C11orf65: variants seen among roughly 807,000 people sequenced by gnomAD.
C11orf65 encodes the protein chromosome 11 open reading frame 65.
C11orf65 carries 38 observed loss-of-function variants against 35.3 expected under a neutral mutation model. That is an observed-to-expected ratio of 1.08 (90% CI 0.83 to 1.41). C11orf65 has a LOEUF of 1.41. Among genes scored for constraint, C11orf65 ranks in the 40% most tolerant of loss-of-function variants. C11orf65 has a pLI of 0.00. For missense variants in C11orf65, 370 were observed against 367.1 expected (o/e 1.01, Z -0.06); for synonymous variants, 105 against 114.4 (o/e 0.92, Z 0.53).
intron 7 of C11orf65, among the ~76,000 whole-genome samples, chr11:108,392,856 C>T (rs747425266): frequency 4.6e-5 from 7 of 152,128 alleles, no homozygotes; most frequent in Non-Finnish European, 1.0e-4. Context: ...ATTTTAGTGT[C>T]TCATACAGAA....
At position 108,405,540 on chromosome 11, in the gene C11orf65, C is replaced by T. The variant is rs1006007136; in HGVS notation, c.449G>A (p.Gly150Asp). 10 of 1,613,086 alleles carry T rather than the reference C, an allele frequency of 6.2e-6. No homozygotes were observed. The highest frequency in any genetic ancestry group is 8.5e-6 in the Non-Finnish European group (10 of 1,179,666). Reference protein sequence around the residue: ...VSDTFWLSTDGMVVEDKKESE... With the variant: ...VSDTFWLSTDDMVVEDKKESE... ...TTCCTTTTTGTCTTCCACCACCATACCATCAGTAGATAGCCAAAACTATTG... is the reference window on the plus strand; with the variant it reads ...TTCCTTTTTGTCTTCCACCACCATATCATCAGTAGATAGCCAAAACTATTG... Residue 150 changes from glycine (G) to aspartate (D), a missense_variant, in exon 6 of 9, where the codon GGT becomes GAT. By Grantham distance (94) the Gly-to-Asp change is moderately conservative. Transcript: ENST00000393084.
intron 3 of C11orf65, among the ~76,000 whole-genome samples, chr11:108,408,687 AT>A (rs1232997345): frequency 5.0e-4 from 41 of 82,078 alleles, no homozygotes; most frequent in African/African-American, 2.3e-3. Flanking sequence ...ATAAAATAAA[AT>A]AAAATAAAAT....
intron 6 of C11orf65, among the ~76,000 whole-genome samples, chr11:108,311,141 TA>T (rs996269101): frequency 6.6e-6 from 1 of 151,594 alleles, no homozygotes; most frequent in African/African-American, 2.4e-5. Flanking sequence ...TCATTTTTTT[TA>T]ATTTTTATTT....
At chr11:108,380,501 A>C (rs188923060), downstream of C11orf65, among the ~76,000 whole-genome samples, 25 of 152,340 alleles carry the variant, frequency 1.6e-4, no homozygotes, top group Non-Finnish European at 3.4e-4. Flanking sequence ...CATCCACTAC[A>C]GAAGAGACAT....
downstream of C11orf65, chr11:108,327,597 C>T (rs2085800808): frequency 6.9e-7 from 1 of 1,448,244 alleles, no homozygotes; most frequent in Non-Finnish European, 9.7e-7. Context: ...CAGTTGGGTA[C>T]AGTCATGGTA....
intron 6 of C11orf65, among the ~76,000 whole-genome samples, chr11:108,314,307 T>C (rs2084421502): frequency 6.6e-6 from 1 of 152,120 alleles, no homozygotes; most frequent in Admixed American, 6.5e-5. Context: ...GGTTTAGCCA[T>C]GTTGCCCAGG....
At chr11:108,419,207 C>G (rs1326332076) in intron 3 of C11orf65, among the ~76,000 whole-genome samples, 1 of 152,032 alleles carries the variant, frequency 6.6e-6, no homozygotes. Context: ...AACACAGGTG[C>G]AAATATTTAT....
At chr11:108,459,575 G>A (rs1275881659) in intron 2 of C11orf65, among the ~76,000 whole-genome samples, 1 of 152,094 alleles carries the variant, frequency 6.6e-6, no homozygotes. Flanking sequence ...TTTTTCCAAA[G>A]GATGCTATCA....
chr11:108,354,063 A>T (rs2137308373), intron 2 of C11orf65, among the ~76,000 whole-genome samples: 1 of 99,190 alleles, frequency 1.0e-5, no homozygotes, highest in Middle Eastern at 6.0e-3. Flanking sequence ...AAAAATACAC[A>T]CACACAAACA....
intron 7 of C11orf65, among the ~76,000 whole-genome samples, chr11:108,390,330 T>A (rs2138382989): frequency 6.6e-6 from 1 of 152,340 alleles, no homozygotes; most frequent in Admixed American, 6.5e-5. Context: ...AGCCTGTTTT[T>A]TGTTTTTTAA....
chr11:108,315,560 T>G (rs1358252602), intron 6 of C11orf65, among the ~76,000 whole-genome samples: 1 of 152,166 alleles, frequency 6.6e-6, no homozygotes. Flanking sequence ...TTTGTGAATT[T>G]TTTCAAATTG....
At chr11:108,386,627 C>G (rs1249979408) in intron 7 of C11orf65, among the ~76,000 whole-genome samples, 2 of 152,076 alleles carry the variant, frequency 1.3e-5, no homozygotes, top group African/African-American at 4.8e-5. Context: ...GGAAAAGCAC[C>G]AAGAGGCAGG....
chr11:108,311,223 C>T (rs2084129644), intron 6 of C11orf65, among the ~76,000 whole-genome samples: 1 of 152,150 alleles, frequency 6.6e-6, no homozygotes, highest in South Asian at 2.1e-4. Flanking sequence ...AGTCCTCCCA[C>T]CTCAGCCTTT....
At chr11:108,311,826 G>A (rs2136048834) in intron 6 of C11orf65, among the ~76,000 whole-genome samples, 1 of 152,228 alleles carries the variant, frequency 6.6e-6, no homozygotes, top group East Asian at 1.9e-4. Flanking sequence ...AGCTGTCATG[G>A]TTTTAGAATT....
At chr11:108,325,684 A>C (rs980658452) in intron 6 of C11orf65, 14 of 821,806 alleles carry the variant, frequency 1.7e-5, no homozygotes, top group Non-Finnish European at 2.4e-5. Flanking sequence ...ATTGTTTAAG[A>C]GTTCCCATTT....
chr11:108,468,690 C>T (rs904039954), upstream of C11orf65, among the ~76,000 whole-genome samples: 3 of 152,130 alleles, frequency 2.0e-5, no homozygotes, highest in African/African-American at 7.2e-5. Context: ...TTCAGTTCCT[C>T]TTTATGTAGT....
intron 2 of C11orf65, among the ~76,000 whole-genome samples, chr11:108,446,700 A>C (rs12111445): frequency 6.6e-6 from 1 of 152,150 alleles, no homozygotes; most frequent in Non-Finnish European, 1.5e-5. Flanking sequence ...AAAGACCATC[A>C]AGGCTAGGAA....
chr11:108,315,975 A>G, intron 6 of C11orf65: 1 of 1,611,568 alleles, frequency 6.2e-7, no homozygotes, highest in Non-Finnish European at 8.5e-7. Context: ...ATGTGTGTGT[A>G]AAACCCAAAG....
At chr11:108,439,480 A>G (rs1284298230) in intron 2 of C11orf65, among the ~76,000 whole-genome samples, 1 of 152,236 alleles carries the variant, frequency 6.6e-6, no homozygotes, top group African/African-American at 2.4e-5. Context: ...TTCTAGACAT[A>G]TACCAAAAAG....
Sources: gnomAD v4.1 joint callset for allele counts (sites outside exome capture counted in the v4.1 genomes callset) on GRCh38, gnomAD v4.1.1 for gene constraint, MANE v1.5 for transcripts, NCBI Gene and HGNC (gene_info 2026-07-23, HGNC 2026-07-21) for gene names.